Variants in KLRG1 observed in about 807,000 individuals in gnomAD.
The protein encoded by KLRG1 is killer cell lectin-like receptor subfamily G member 1.
Under a neutral mutation model 21.8 loss-of-function variants are expected in KLRG1, and 16 were observed. The observed-to-expected ratio is 0.73, with a 90% CI of 0.50 to 1.11. The LOEUF is 1.11. Among genes scored for constraint, KLRG1 ranks in the 50% most tolerant of loss-of-function variants. The pLI is 0.00. For missense variants in KLRG1, 173 were observed against 218.3 expected (o/e 0.79, Z 1.31); for synonymous variants, 69 against 75.9 (o/e 0.91, Z 0.47).
chr12:9,077,903 T>C, the KLRG1 span: 1 of 1,612,364 alleles, frequency 6.2e-7, no homozygotes, highest in South Asian at 1.1e-5. Context: ...GTCAAAATGG[T>C]TTTATAACCA....
chr12:9,059,505 G>A, the KLRG1 span, among the ~76,000 whole-genome samples: 1 of 152,030 alleles, frequency 6.6e-6, no homozygotes, highest in African/African-American at 2.4e-5. Flanking sequence ...TTTCACTGTG[G>A]GTTTCAATGG....
chr12:9,071,642 G>A, the KLRG1 span, among the ~76,000 whole-genome samples: 3 of 151,944 alleles, frequency 2.0e-5, no homozygotes, highest in African/African-American at 7.3e-5. Flanking sequence ...TCCTTTTTGT[G>A]TCCATATGTT....
the KLRG1 span, among the ~76,000 whole-genome samples, chr12:9,125,303 AC>A: frequency 6.6e-6 from 1 of 152,082 alleles, no homozygotes; most frequent in African/African-American, 2.4e-5. Context: ...TTGTCTGGGT[AC>A]CTCATTCTTA....
chr12:9,120,022 G>A, the KLRG1 span, among the ~76,000 whole-genome samples: 5 of 152,098 alleles, frequency 3.3e-5, no homozygotes, highest in Admixed American at 2.6e-4. Flanking sequence ...CCAATAGTGG[G>A]GCAATAATAT....
At chr12:8,987,584 A>T (rs1946864960), upstream of KLRG1, 1 of 152,228 alleles carries the variant, frequency 6.6e-6, no homozygotes, top group Admixed American at 6.5e-5. Context: ...GAATATTCAC[A>T]TTGTTGTGTA....
intron 1 of KLRG1, among the ~76,000 whole-genome samples, chr12:8,991,399 A>G (rs1287274167): frequency 3.3e-5 from 5 of 152,228 alleles, no homozygotes; most frequent in Admixed American, 3.3e-4. Context: ...TCTGAAATGT[A>G]GATTATTTTT....
At chr12:9,118,855 T>A in the KLRG1 span, among the ~76,000 whole-genome samples, 1 of 152,158 alleles carries the variant, frequency 6.6e-6, no homozygotes, top group Non-Finnish European at 1.5e-5. Context: ...ATTTATCAGT[T>A]TATTGGGCAA....
intron 1 of KLRG1, among the ~76,000 whole-genome samples, chr12:8,979,018 CTT>C (rs751926947): frequency 1.2e-4 from 15 of 127,912 alleles, no homozygotes; most frequent in Admixed American, 2.4e-4. Context: ...CCTGGCCTGT[CTT>C]TTTTTTTTTT....
At chr12:9,190,359 A>G in the KLRG1 span, among the ~76,000 whole-genome samples, 1 of 152,204 alleles carries the variant, frequency 6.6e-6, no homozygotes, top group African/African-American at 2.4e-5. Flanking sequence ...GCATACATGG[A>G]GCTAGAAGCT....
chr12:9,197,106 G>A, the KLRG1 span: 2 of 1,611,626 alleles, frequency 1.2e-6, no homozygotes, highest in Non-Finnish European at 1.7e-6. Flanking sequence ...TCCTGGGACA[G>A]GCTTCCCATA....
chr12:9,188,945 T>C, the KLRG1 span, among the ~76,000 whole-genome samples: 1 of 151,920 alleles, frequency 6.6e-6, no homozygotes, highest in Non-Finnish European at 1.5e-5. Flanking sequence ...AATGGTCATA[T>C]TGCCCAAAGA....
the KLRG1 span, among the ~76,000 whole-genome samples, chr12:9,093,063 G>A: frequency 1.3e-5 from 2 of 152,164 alleles, no homozygotes; most frequent in African/African-American, 4.8e-5. Flanking sequence ...GAATACATAG[G>A]AACAGAGAGT....
intron 1 of KLRG1, among the ~76,000 whole-genome samples, chr12:8,961,847 T>C (rs1039523983): frequency 6.6e-6 from 1 of 152,046 alleles, no homozygotes; most frequent in Non-Finnish European, 1.5e-5. Context: ...GCGCATTGAG[T>C]GTCCAAAGTG....
intron 1 of KLRG1, among the ~76,000 whole-genome samples, chr12:8,973,067 G>C (rs990191320): frequency 4.0e-5 from 6 of 150,334 alleles, no homozygotes; most frequent in Non-Finnish European, 5.9e-5. Flanking sequence ...GCGGAGGCAG[G>C]AGAATTGCTA....
the KLRG1 span, chr12:9,052,885 C>T: frequency 6.7e-6 from 3 of 445,586 alleles, no homozygotes; most frequent in African/African-American, 4.1e-5. Flanking sequence ...ATGGTAGATA[C>T]TCAGTATTGC....
chr12:9,084,312 G>T, the KLRG1 span, among the ~76,000 whole-genome samples: 113 of 152,140 alleles, frequency 7.4e-4, no homozygotes, highest in African/African-American at 2.7e-3. Context: ...TGTAATGATG[G>T]TATTTAAAGC....
chr12:9,210,986 A>G, the KLRG1 span, among the ~76,000 whole-genome samples: 273 of 152,280 alleles, frequency 1.8e-3, 3 homozygotes, highest in East Asian at 0.024. Flanking sequence ...AGACAGGTAA[A>G]TCCTCTTGCA....
intron 1 of KLRG1, among the ~76,000 whole-genome samples, chr12:8,958,946 G>C: frequency 6.6e-6 from 1 of 152,054 alleles, no homozygotes; most frequent in East Asian, 1.9e-4. Flanking sequence ...TTAATGTTGA[G>C]TCTTATAATT....
chr12:9,172,408 G>C, the KLRG1 span, among the ~76,000 whole-genome samples: 60 of 152,160 alleles, frequency 3.9e-4, no homozygotes, highest in African/African-American at 1.3e-3. Context: ...ACACAGGCCA[G>C]AACACTATGA....
Sources: allele counts gnomAD v4.1 joint callset (sites outside exome capture counted in the v4.1 genomes callset), GRCh38; gene constraint gnomAD v4.1.1; transcripts MANE v1.5; gene names NCBI Gene and HGNC (gene_info 2026-07-23, HGNC 2026-07-21).